Variants in NRF1 observed in about 807,000 individuals in gnomAD.
NRF1 encodes nuclear respiratory factor 1, also known as alpha palindromic-binding protein.
NRF1 carries 5 observed loss-of-function variants against 58.5 expected under a neutral mutation model. The ratio of observed to expected loss-of-function variants is 0.09; its 90% CI spans 0.04 to 0.18. NRF1 has a LOEUF of 0.18. Ranked by LOEUF, NRF1 falls within the 10% of genes least tolerant of loss-of-function variation. The pLI is 1.00. For missense variants in NRF1, 288 were observed against 657.7 expected, an observed-to-expected ratio of 0.44 and a Z score of 6.15; for synonymous variants, 224 against 246.7, an observed-to-expected ratio of 0.91 and a Z score of 0.86.
chr7:129,752,484 CTT>C (rs1228757398), intron 10 of NRF1, among the ~76,000 whole-genome samples: 1 of 152,112 alleles, frequency 6.6e-6, no homozygotes, highest in Non-Finnish European at 1.5e-5. Flanking sequence ...ATCATTTGAA[CTT>C]TGTTACAAGC....
chr7:129,676,898 C>T (rs1037797410), intron 3 of NRF1, among the ~76,000 whole-genome samples: 1 of 151,578 alleles, frequency 6.6e-6, no homozygotes, highest in Non-Finnish European at 1.5e-5. Context: ...GAAATATAAA[C>T]AATGAGATAT....
intron 3 of NRF1, among the ~76,000 whole-genome samples, chr7:129,672,284 G>A (rs1031432618): frequency 1.4e-5 from 2 of 144,668 alleles, no homozygotes; most frequent in Non-Finnish European, 3.0e-5. Context: ...AGCGATCCTC[G>A]TGCCTCAGCC....
chr7:129,671,905 G>GA (rs1802056707), intron 3 of NRF1, among the ~76,000 whole-genome samples: 1 of 152,100 alleles, frequency 6.6e-6, no homozygotes, highest in Non-Finnish European at 1.5e-5. Context: ...AGTGCAATGG[G>GA]AAAAAAATAC....
intron 1 of NRF1, among the ~76,000 whole-genome samples, chr7:129,619,459 CGTGTGTGTGTGT>C (rs199945725): frequency 3.3e-5 from 2 of 61,158 alleles, no homozygotes; most frequent in African/African-American, 1.5e-4. Context: ...TATATATACA[CGTGTGTGTGTGT>C]GTGTGTGTGT....
chr7:129,661,893 T>G (rs1584617565), intron 2 of NRF1, among the ~76,000 whole-genome samples: 1 of 150,668 alleles, frequency 6.6e-6, no homozygotes, highest in South Asian at 2.1e-4. Context: ...AAGGACATAC[T>G]CAAGACTGGG....
At chr7:129,617,379 T>A (rs1489871495) in intron 1 of NRF1, among the ~76,000 whole-genome samples, 1 of 152,192 alleles carries the variant, frequency 6.6e-6, no homozygotes, top group Non-Finnish European at 1.5e-5. Context: ...AATGTCCCAA[T>A]GAAACATTGC....
At chr7:129,710,283 T>G in intron 6 of NRF1, 91 bp from the exon 7 acceptor site, 1 of 1,177,556 alleles carries the variant, frequency 8.5e-7, no homozygotes, top group Non-Finnish European at 1.3e-6. Context: ...TTGGTTTGAT[T>G]TGATAAAGAA....
intron 1 of NRF1, among the ~76,000 whole-genome samples, chr7:129,646,839 A>G (rs1355740819): frequency 6.6e-6 from 1 of 152,190 alleles, no homozygotes; most frequent in Non-Finnish European, 1.5e-5. Flanking sequence ...CTTGGAAGTG[A>G]GACGGAGAGA....
chr7:129,657,456 T>C lies in NRF1; in HGVS notation c.105T>C (p.His35=), dbSNP rs1365904959. 1 of 1,614,096 alleles carries C rather than the reference T, an allele frequency of 6.2e-7. No homozygotes were observed. The highest frequency in any genetic ancestry group is 8.5e-7 in the Non-Finnish European group (1 of 1,180,004). ...TCCATGTGGCTACTTACACCGAGCATAGTATGCTGAGTGCTGATGAAGACT... is the reference window on the plus strand; with the variant it reads ...TCCATGTGGCTACTTACACCGAGCACAGTATGCTGAGTGCTGATGAAGACT... The part of the protein sequence containing the change: ...QQVHVATYTE[H]SMLSADEDSP... The change falls in exon 2 of 11, where the codon CAT becomes CAC. Residue 35 remains histidine (H), a synonymous_variant. Coordinates refer to ENST00000393232, the MANE Select transcript of NRF1 (RefSeq NM_005011.5).
At chr7:129,646,489 C>G (rs1801407703) in intron 1 of NRF1, among the ~76,000 whole-genome samples, 1 of 152,120 alleles carries the variant, frequency 6.6e-6, no homozygotes, top group African/African-American at 2.4e-5. Context: ...GAAGCACTAC[C>G]ACCCCTAGGT....
intron 10 of NRF1, among the ~76,000 whole-genome samples, chr7:129,753,017 C>T (rs1177732343): frequency 6.6e-6 from 1 of 152,216 alleles, no homozygotes; most frequent in South Asian, 2.1e-4. Flanking sequence ...CAGCAAGTCT[C>T]ATTTCATGAA....
chr7:129,734,985 G>A (rs979977493), intron 10 of NRF1: 1 of 873,314 alleles, frequency 1.1e-6, no homozygotes, highest in East Asian at 1.2e-4. Context: ...TGGGGAAAGG[G>A]TCAGGGGCGT....
At chr7:129,620,447 G>A (rs1800766959) in intron 1 of NRF1, among the ~76,000 whole-genome samples, 1 of 150,620 alleles carries the variant, frequency 6.6e-6, no homozygotes, top group South Asian at 2.1e-4. Flanking sequence ...GGAGTGCAGT[G>A]GTATGATCTT....
intron 1 of NRF1, among the ~76,000 whole-genome samples, chr7:129,613,506 G>A (rs1800589111): frequency 6.6e-6 from 1 of 151,974 alleles, no homozygotes. Flanking sequence ...TAAATTGTGG[G>A]CAGAATTTTT....
At chr7:129,660,102 A>T (rs548925470) in intron 2 of NRF1, among the ~76,000 whole-genome samples, 2 of 151,488 alleles carry the variant, frequency 1.3e-5, no homozygotes, top group African/African-American at 4.8e-5. Context: ...GTGCAGGGAA[A>T]CTCCTCCTTT....
chr7:129,722,778 CTCCCT>C (rs1170626282), intron 9 of NRF1, among the ~76,000 whole-genome samples: 27 of 152,192 alleles, frequency 1.8e-4, no homozygotes, highest in Admixed American at 1.8e-3. Context: ...GAGCTGCCCT[CTCCCT>C]TCACTGCCCA....
intron 8 of NRF1, among the ~76,000 whole-genome samples, chr7:129,711,815 C>T (rs1466928928): frequency 6.6e-6 from 1 of 151,976 alleles, no homozygotes; most frequent in Non-Finnish European, 1.5e-5. Context: ...GAATGTATAG[C>T]ATTTGGTATT....
At chr7:129,692,369 G>A (rs1316235185) in intron 5 of NRF1, among the ~76,000 whole-genome samples, 1 of 152,092 alleles carries the variant, frequency 6.6e-6, no homozygotes, top group Non-Finnish European at 1.5e-5. Flanking sequence ...CAGCAGGCTG[G>A]TATTTTTTTT....
chr7:129,714,053 C>T (rs1486793764), intron 8 of NRF1, among the ~76,000 whole-genome samples: 1 of 152,156 alleles, frequency 6.6e-6, no homozygotes, highest in Non-Finnish European at 1.5e-5. Flanking sequence ...GGGAGTGCAA[C>T]AAGAGCTCAA....
Sources: allele counts gnomAD v4.1 joint callset (sites outside exome capture counted in the v4.1 genomes callset), GRCh38; gene constraint gnomAD v4.1.1; transcripts MANE v1.5; gene names NCBI Gene and HGNC (gene_info 2026-07-23, HGNC 2026-07-21).